Variants in HTT-AS observed in about 807,000 individuals in gnomAD.
HTT-AS encodes HTT antisense RNA (head to head).
At chr4:3,056,451 A>G (rs1425811391) in intron 2 of HTT-AS, among the ~76,000 whole-genome samples, 2 of 152,210 alleles carry the variant, frequency 1.3e-5, no homozygotes, top group Non-Finnish European at 2.9e-5. Context: ...TGGGATTGGC[A>G]AAGACTCAGC....
intron 1 of HTT-AS, among the ~76,000 whole-genome samples, chr4:3,072,729 C>T (rs1408109825): frequency 6.6e-6 from 1 of 152,168 alleles, no homozygotes; most frequent in Non-Finnish European, 1.5e-5. Context: ...CTCCCAGGTT[C>T]AAGCAATTCT....
intron 1 of HTT-AS, among the ~76,000 whole-genome samples, chr4:3,073,278 T>C (rs1217004667): frequency 6.6e-6 from 1 of 152,066 alleles, no homozygotes; most frequent in Non-Finnish European, 1.5e-5. Flanking sequence ...GGCTGGGCGG[T>C]TGTCTCTGAG....
chr4:3,072,036 CAT>C (rs755274649), intron 1 of HTT-AS, among the ~76,000 whole-genome samples: 104 of 152,334 alleles, frequency 6.8e-4, no homozygotes, highest in Non-Finnish European at 1.3e-3. Context: ...TGGCAGCACA[CAT>C]GTCTAGTCAT....
intron 2 of HTT-AS, among the ~76,000 whole-genome samples, chr4:3,049,906 TCACACACACACACACACACA>T (rs57430954): frequency 3.0e-5 from 4 of 134,718 alleles, no homozygotes; most frequent in South Asian, 2.5e-4. Flanking sequence ...TTGTAAGTTA[TCACACACACACACACACACA>T]CACACACACA....
chr4:3,065,394 C>T (rs544971357), intron 1 of HTT-AS, among the ~76,000 whole-genome samples: 3 of 151,528 alleles, frequency 2.0e-5, no homozygotes, highest in African/African-American at 7.3e-5. Context: ...GCGCGCACCA[C>T]CATGCCCGGC....
chr4:3,052,673 G>T (rs541736426), intron 2 of HTT-AS, among the ~76,000 whole-genome samples: 1 of 152,074 alleles, frequency 6.6e-6, no homozygotes, highest in East Asian at 1.9e-4. Flanking sequence ...TTTTTTGGGG[G>T]GGATCCAGGA....
chr4:3,047,793 CTG>C (rs1223639016), downstream of HTT-AS, among the ~76,000 whole-genome samples: 5 of 152,366 alleles, frequency 3.3e-5, no homozygotes, highest in East Asian at 9.6e-4. Flanking sequence ...GGTCACGCTC[CTG>C]TTTCACTTTC....
chr4:3,047,174 G>A (rs1711606036), downstream of HTT-AS, among the ~76,000 whole-genome samples: 1 of 152,130 alleles, frequency 6.6e-6, no homozygotes, highest in Admixed American at 6.5e-5. Context: ...AGCCGGGCGT[G>A]GTGGCGTGCA....
At chr4:3,050,132 G>A (rs1346868348) in intron 2 of HTT-AS, among the ~76,000 whole-genome samples, 1 of 152,136 alleles carries the variant, frequency 6.6e-6, no homozygotes, top group Non-Finnish European at 1.5e-5. Flanking sequence ...AAGGACTCAG[G>A]AAGGACAAGG....
At chr4:3,063,250 A>G (rs1024684267) in exon 2 of HTT-AS, among the ~76,000 whole-genome samples, 1 of 152,242 alleles carries the variant, frequency 6.6e-6, no homozygotes, top group Non-Finnish European at 1.5e-5. Flanking sequence ...AAAGAAAGTC[A>G]GCGTGGCTTG....
chr4:3,047,406 ATTAG>A (rs924192298), downstream of HTT-AS, among the ~76,000 whole-genome samples: 1 of 152,226 alleles, frequency 6.6e-6, no homozygotes, highest in Non-Finnish European at 1.5e-5. Context: ...ATTATCAATC[ATTAG>A]TTTGTGGCAT....
downstream of HTT-AS, among the ~76,000 whole-genome samples, chr4:3,048,931 A>G (rs960633017): frequency 6.6e-6 from 1 of 152,232 alleles, no homozygotes; most frequent in Non-Finnish European, 1.5e-5. Context: ...GACTGATTAC[A>G]GGCAACATAT....
At chr4:3,062,188 C>T (rs370403310) in intron 2 of HTT-AS, among the ~76,000 whole-genome samples, 41 of 151,956 alleles carry the variant, frequency 2.7e-4, no homozygotes, top group East Asian at 2.1e-3. Flanking sequence ...TGCCACCACA[C>T]GTGGCTAATG....
chr4:3,054,149 C>A (rs543838027), intron 2 of HTT-AS, among the ~76,000 whole-genome samples: 2 of 151,306 alleles, frequency 1.3e-5, no homozygotes, highest in Admixed American at 6.7e-5. Context: ...ATAAGGCCTG[C>A]GGACATGTGG....
chr4:3,057,995 C>T (rs1274586398), intron 2 of HTT-AS, among the ~76,000 whole-genome samples: 1 of 151,744 alleles, frequency 6.6e-6, no homozygotes, highest in Non-Finnish European at 1.5e-5. Context: ...GTGGGCAATT[C>T]CCAGAACTGA....
intron 2 of HTT-AS, among the ~76,000 whole-genome samples, chr4:3,053,081 A>C (rs1047828912): frequency 6.6e-6 from 1 of 152,156 alleles, no homozygotes; most frequent in African/African-American, 2.4e-5. Context: ...TAGAAACTGC[A>C]TGCTTTCCTG....
At chr4:3,052,469 C>T (rs1223362678) in intron 2 of HTT-AS, among the ~76,000 whole-genome samples, 1 of 152,180 alleles carries the variant, frequency 6.6e-6, no homozygotes, top group Non-Finnish European at 1.5e-5. Flanking sequence ...CTGTTTTACT[C>T]ATGAAACCCC....
chr4:3,047,418 C>A (rs1560527568), downstream of HTT-AS, among the ~76,000 whole-genome samples: 2 of 152,186 alleles, frequency 1.3e-5, no homozygotes, highest in Non-Finnish European at 2.9e-5. Flanking sequence ...TAGTTTGTGG[C>A]ATTACTCTAT....
chr4:3,054,719 T>C (rs1711774499), intron 2 of HTT-AS, among the ~76,000 whole-genome samples: 1 of 151,380 alleles, frequency 6.6e-6, no homozygotes, highest in African/African-American at 2.4e-5. Flanking sequence ...CTTTTCTTTC[T>C]ATTTTTTTTT....
Sources: allele counts gnomAD v4.1 joint callset (sites outside exome capture counted in the v4.1 genomes callset), GRCh38; gene constraint gnomAD v4.1.1; transcripts MANE v1.5; gene names NCBI Gene and HGNC (gene_info 2026-07-23, HGNC 2026-07-21).